CTNND2: variants seen among roughly 807,000 people sequenced by gnomAD.
CTNND2 encodes the protein catenin delta 2.
A neutral mutation model predicts 144.4 loss-of-function variants in CTNND2; 22 were observed. The observed-to-expected ratio is 0.15, with a 90% CI of 0.11 to 0.22. The LOEUF (loss-of-function observed/expected upper bound fraction) is 0.22, where lower values mean the gene tolerates loss of function less well. Ranked by LOEUF, CTNND2 falls within the 10% of genes least tolerant of loss-of-function variation. CTNND2 has a pLI of 1.00. For synonymous variants in CTNND2, 751 were observed against 695.6 expected (o/e 1.08, Z -1.25); for missense variants, 1,353 against 1,618.8 (o/e 0.84, Z 2.82).
In CTNND2 at chr5:11,229,951, C is replaced by T. The variant is rs560352311; in HGVS notation, c.1761+6740G>A. On this transcript the variant is annotated intron_variant, in intron 10 of 21. Transcript: ENST00000304623. ...AGGAGGAACATAAATAAACTGCAAT[C>T]CTCACTACCCATGAAATGCACTTAG... 1.3e-4 allele frequency among the ~76,000 whole-genome samples: 20 copies of T among 151,818 alleles called. No individual in the cohort carries two copies. In the South Asian group the frequency reaches 4.2e-3, roughly 32 times the overall value.
chr5:11,593,113 A>G (rs1779335174), intron 2 of CTNND2, among the ~76,000 whole-genome samples: 1 of 152,190 alleles, frequency 6.6e-6, no homozygotes, highest in Non-Finnish European at 1.5e-5. Flanking sequence ...AGATTAAATG[A>G]AAATGCTTAT....
intron 9 of CTNND2, among the ~76,000 whole-genome samples, chr5:11,312,941 T>TGGAGAATTA (rs1444571996): frequency 3.9e-5 from 6 of 152,340 alleles, no homozygotes; most frequent in Admixed American, 3.9e-4. Flanking sequence ...ACTTCCTCCG[T>TGGAGAATTA]GGAGAATTAG....
chr5:11,075,894 C>A (rs1420563797), intron 16 of CTNND2, among the ~76,000 whole-genome samples: 1 of 152,218 alleles, frequency 6.6e-6, no homozygotes. Context: ...CACAGACATC[C>A]CTCTACCCCT....
At chr5:11,823,564 G>A (rs1793436131) in intron 1 of CTNND2, among the ~76,000 whole-genome samples, 1 of 152,016 alleles carries the variant, frequency 6.6e-6, no homozygotes, top group Admixed American at 6.5e-5. Flanking sequence ...CAGATTTTTA[G>A]CTGTTATGCA....
At chr5:11,408,699 A>G (rs895697021) in intron 5 of CTNND2, among the ~76,000 whole-genome samples, 12 of 152,134 alleles carry the variant, frequency 7.9e-5, no homozygotes, top group African/African-American at 2.9e-4. Context: ...GAAAGACCAT[A>G]CTGGAGCATT....
At chr5:11,223,280 TA>T (rs1561046266) in intron 10 of CTNND2, among the ~76,000 whole-genome samples, 3 of 152,176 alleles carry the variant, frequency 2.0e-5, no homozygotes. Flanking sequence ...CCTTTAAGCA[TA>T]AAGGAATACA....
chr5:11,323,513 C>G (rs941707323), intron 9 of CTNND2, among the ~76,000 whole-genome samples: 14 of 152,146 alleles, frequency 9.2e-5, no homozygotes, highest in African/African-American at 3.4e-4. Context: ...CAACACCATT[C>G]TGAAAGGGAG....
At chr5:11,272,449 C>T (rs1157118676) in intron 9 of CTNND2, among the ~76,000 whole-genome samples, 1 of 152,020 alleles carries the variant, frequency 6.6e-6, no homozygotes, top group Non-Finnish European at 1.5e-5. Flanking sequence ...AATCAAGACC[C>T]ACAATAAAAA....
chr5:11,064,483 A>G (rs1421684804), intron 16 of CTNND2, among the ~76,000 whole-genome samples: 1 of 152,048 alleles, frequency 6.6e-6, no homozygotes, highest in East Asian at 1.9e-4. Flanking sequence ...AAGGATGAGA[A>G]GAGAGGAGTC....
rs1443854124 is a variant in CTNND2, at chr5:11,211,822, T to C, written c.1762-12161A>G. 3.3e-5 allele frequency among the ~76,000 whole-genome samples: 5 copies of C among 152,222 alleles called. No individual in the cohort carries two copies. The South Asian group carries it at 8.3e-4, about 25-fold the overall frequency. On this transcript the variant is annotated intron_variant, in intron 10 of 21. Coordinates refer to ENST00000304623, the MANE Select transcript of CTNND2 (RefSeq NM_001332.4). ...AGAAATTGTTTTGTGTCTTAGCCTATGGTTGTAACAAATGAGGAGTATTAA... is the reference window on the plus strand; with the variant it reads ...AGAAATTGTTTTGTGTCTTAGCCTACGGTTGTAACAAATGAGGAGTATTAA...
chr5:11,038,606 A>G (rs1744340475), intron 16 of CTNND2, among the ~76,000 whole-genome samples: 1 of 152,164 alleles, frequency 6.6e-6, no homozygotes, highest in Admixed American at 6.5e-5. Flanking sequence ...AGAGAGATGG[A>G]ATAATCTTTG....
At chr5:11,889,724 T>A (rs1309581003) in intron 1 of CTNND2, among the ~76,000 whole-genome samples, 1 of 152,182 alleles carries the variant, frequency 6.6e-6, no homozygotes, top group Non-Finnish European at 1.5e-5. Context: ...GAAATAAAAG[T>A]AAACACAGAA....
chr5:11,849,931 C>T (rs575033835), intron 1 of CTNND2, among the ~76,000 whole-genome samples: 1 of 152,286 alleles, frequency 6.6e-6, no homozygotes, highest in African/African-American at 2.4e-5. Flanking sequence ...GCTCAGACCT[C>T]CTTTTCCAGC....
intron 9 of CTNND2, among the ~76,000 whole-genome samples, chr5:11,287,404 G>T (rs1055549597): frequency 2.6e-5 from 4 of 152,160 alleles, no homozygotes; most frequent in Non-Finnish European, 5.9e-5. Context: ...TTTTGGACTT[G>T]CCAAGCCTCC....
intron 18 of CTNND2, among the ~76,000 whole-genome samples, chr5:11,002,998 G>A (rs888078279): frequency 6.6e-6 from 1 of 152,188 alleles, no homozygotes; most frequent in Non-Finnish European, 1.5e-5. Flanking sequence ...GTTGGCCTAT[G>A]TATGGCCTTT....
intron 3 of CTNND2, among the ~76,000 whole-genome samples, chr5:11,532,499 G>A (rs529910491): frequency 2.6e-5 from 4 of 152,144 alleles, no homozygotes; most frequent in African/African-American, 7.2e-5. Context: ...TAACCAAAAG[G>A]CCATTAAAGA....
At chr5:10,983,565 T>G (rs915122857) in intron 20 of CTNND2, among the ~76,000 whole-genome samples, 1 of 152,144 alleles carries the variant, frequency 6.6e-6, no homozygotes, top group Non-Finnish European at 1.5e-5. Flanking sequence ...CGAAAGTCCA[T>G]TTTTCCATTT....
chr5:11,574,011 T>C (rs962171965), intron 2 of CTNND2, among the ~76,000 whole-genome samples: 31 of 152,138 alleles, frequency 2.0e-4, no homozygotes, highest in African/African-American at 7.0e-4. Context: ...CTTAAAAAAT[T>C]AGTAGCAATA....
chr5:11,703,666 G>A (rs1410836118), intron 2 of CTNND2, among the ~76,000 whole-genome samples: 1 of 152,218 alleles, frequency 6.6e-6, no homozygotes, highest in African/African-American at 2.4e-5. Flanking sequence ...TCAGGGAGTA[G>A]ACAATTTCAC....
Sources: allele counts gnomAD v4.1 joint callset (sites outside exome capture counted in the v4.1 genomes callset), GRCh38; gene constraint gnomAD v4.1.1; transcripts MANE v1.5; gene names NCBI Gene and HGNC (gene_info 2026-07-23, HGNC 2026-07-21).